Variants in CDH12 observed in about 807,000 individuals in gnomAD.
CDH12 encodes cadherin-12.
A neutral mutation model predicts 74.1 loss-of-function variants in CDH12; 41 were observed. The observed-to-expected ratio is 0.55, with a 90% CI of 0.43 to 0.72. The LOEUF (loss-of-function observed/expected upper bound fraction) is 0.72, where lower values mean the gene tolerates loss of function less well. Ranked by LOEUF, CDH12 falls within the 30% of genes least tolerant of loss-of-function variation. The pLI is 0.00. For missense variants in CDH12, 945 were observed against 977.2 expected, an observed-to-expected ratio of 0.97 and a Z score of 0.44; for synonymous variants, 399 against 355.0, an observed-to-expected ratio of 1.12 and a Z score of -1.39.
At chr5:22,225,766 C>CT (rs1752173212) in intron 3 of CDH12, among the ~76,000 whole-genome samples, 1 of 151,996 alleles carries the variant, frequency 6.6e-6, no homozygotes, top group African/African-American at 2.4e-5. Flanking sequence ...AAAGTTGGGC[C>CT]TTTTTCTCTG....
At chr5:22,156,515 A>G (rs1748031959) in intron 4 of CDH12, among the ~76,000 whole-genome samples, 2 of 152,168 alleles carry the variant, frequency 1.3e-5, no homozygotes, top group Non-Finnish European at 2.9e-5. Flanking sequence ...ACTTAAAGAA[A>G]AATAATGGCA....
At chr5:22,328,219 T>TA (rs748016191) in intron 3 of CDH12, among the ~76,000 whole-genome samples, 18 of 152,292 alleles carry the variant, frequency 1.2e-4, no homozygotes, top group East Asian at 7.7e-4. Flanking sequence ...ATCAGTTTTT[T>TA]AAAAAAATAT....
At chr5:22,361,010 A>C (rs1298051047) in intron 3 of CDH12, among the ~76,000 whole-genome samples, 1 of 152,244 alleles carries the variant, frequency 6.6e-6, no homozygotes, top group Admixed American at 6.5e-5. Context: ...ATTCCTTTAA[A>C]AACTGGCAAA....
chr5:21,880,608 C>CTTTCT (rs1752245258), intron 6 of CDH12, among the ~76,000 whole-genome samples: 1 of 65,680 alleles, frequency 1.5e-5, no homozygotes, highest in African/African-American at 6.4e-5. Context: ...TCCTTCCTTC[C>CTTTCT]TTCCTTCCTT....
intron 2 of CDH12, among the ~76,000 whole-genome samples, chr5:22,448,467 G>A (rs1744915646): frequency 6.6e-6 from 1 of 151,950 alleles, no homozygotes; most frequent in Non-Finnish European, 1.5e-5. Context: ...ACAAAAAGTT[G>A]AGTAGAAAAC....
rs1745192751 is a variant in CDH12 at position 22,117,458 on chromosome 5, T to TTATATATTATA, written c.-186-38597_-186-38596insTATAATATATA. ...AAATTATATATATATAATATATATA[T>TTATATATTATA]TATATATATAATATATATATTATAT... On this transcript the variant is annotated intron_variant, in intron 4 of 14. Coordinates refer to ENST00000382254, the MANE Select transcript of CDH12 (RefSeq NM_004061.5). 2.8e-4 allele frequency among the ~76,000 whole-genome samples: 21 copies of TTATATATTATA among 75,494 alleles called. 1 individual carries two copies. The highest frequency in any genetic ancestry group is 1.1e-3 in the African/African-American group (21 of 18,796). The allele number at this position is 75,494 out of a possible 152,430, so 49.5% of individuals were successfully genotyped here. A position where few individuals can be genotyped will look rare whatever the true frequency, so the allele number is the denominator to read the frequency against.
intron 10 of CDH12, among the ~76,000 whole-genome samples, chr5:21,788,051 T>C (rs1430416279): frequency 6.6e-6 from 1 of 152,150 alleles, no homozygotes; most frequent in Non-Finnish European, 1.5e-5. Flanking sequence ...TTGCTGAGTG[T>C]CCACTATACA....
intron 6 of CDH12, among the ~76,000 whole-genome samples, chr5:21,889,417 A>G (rs1752794877): frequency 6.6e-6 from 1 of 152,164 alleles, no homozygotes; most frequent in Non-Finnish European, 1.5e-5. Flanking sequence ...CTGACCTGTC[A>G]CTGCCAGTTT....
chr5:22,681,879 G>A (rs1741511244), intron 1 of CDH12, among the ~76,000 whole-genome samples: 1 of 151,854 alleles, frequency 6.6e-6, no homozygotes, highest in Admixed American at 6.6e-5. Flanking sequence ...TGAAATAGAG[G>A]CAGAATTTAC....
chr5:22,385,883 G>A (rs1396126546), intron 3 of CDH12, among the ~76,000 whole-genome samples: 2 of 143,568 alleles, frequency 1.4e-5, no homozygotes, highest in Non-Finnish European at 3.0e-5. Flanking sequence ...ATGGCTACGC[G>A]CTTTTTTTTT....
intron 5 of CDH12, among the ~76,000 whole-genome samples, chr5:22,009,939 C>CAAAAAAAAAAAAAAAAAAAAA (rs774589642): frequency 6.7e-4 from 36 of 54,050 alleles, no homozygotes; most frequent in Admixed American, 1.1e-3. Flanking sequence ...GAAACTGTCT[C>CAAAAAAAAAAAAAAAAAAAAA]AAAAAAAAAA....
chr5:22,805,803 C>G (rs565201380), intron 1 of CDH12, among the ~76,000 whole-genome samples: 1 of 152,194 alleles, frequency 6.6e-6, no homozygotes, highest in Non-Finnish European at 1.5e-5. Flanking sequence ...TGCTATCCCT[C>G]CCCTAGTCCC....
chr5:22,343,126 A>T (rs562418985), intron 3 of CDH12, among the ~76,000 whole-genome samples: 1 of 152,104 alleles, frequency 6.6e-6, no homozygotes, highest in East Asian at 1.9e-4. Context: ...AAGTGCTGGG[A>T]TTACAGGCCT....
chr5:22,137,181 A>T (rs553831178), intron 4 of CDH12, among the ~76,000 whole-genome samples: 3 of 152,168 alleles, frequency 2.0e-5, no homozygotes, highest in African/African-American at 7.2e-5. Flanking sequence ...TAATCTTGAC[A>T]TCAAACACAT....
intron 1 of CDH12, among the ~76,000 whole-genome samples, chr5:22,826,006 G>C (rs1432082935): frequency 6.6e-6 from 1 of 152,128 alleles, no homozygotes; most frequent in Non-Finnish European, 1.5e-5. Context: ...AAGAGTCAAA[G>C]TAATCTCATT....
At chr5:22,328,272 T>C (rs756480385) in intron 3 of CDH12, among the ~76,000 whole-genome samples, 3 of 152,240 alleles carry the variant, frequency 2.0e-5, no homozygotes, top group Non-Finnish European at 2.9e-5. Flanking sequence ...ACATAGTTAC[T>C]AGTTATTGTC....
intron 3 of CDH12, among the ~76,000 whole-genome samples, chr5:22,304,656 T>C (rs1472274688): frequency 6.6e-6 from 1 of 152,222 alleles, no homozygotes; most frequent in Non-Finnish European, 1.5e-5. Flanking sequence ...AATCACTAAC[T>C]GTTTTCATTT....
At chr5:22,324,183 G>A (rs766048320) in intron 3 of CDH12, among the ~76,000 whole-genome samples, 18 of 152,000 alleles carry the variant, frequency 1.2e-4, no homozygotes, top group Non-Finnish European at 2.5e-4. Context: ...TTAAACTGTA[G>A]GTCATAAAGA....
chr5:21,915,056 C>T (rs977359268), intron 6 of CDH12, among the ~76,000 whole-genome samples: 3 of 152,068 alleles, frequency 2.0e-5, no homozygotes, highest in Admixed American at 1.3e-4. Context: ...AACCTAGAAA[C>T]GAAGGTTAAT....
Sources: gnomAD v4.1 joint callset for allele counts (sites outside exome capture counted in the v4.1 genomes callset) on GRCh38, gnomAD v4.1.1 for gene constraint, MANE v1.5 for transcripts, NCBI Gene and HGNC (gene_info 2026-07-23, HGNC 2026-07-21) for gene names.